AUTS2: variants seen among roughly 807,000 people sequenced by gnomAD.
AUTS2 encodes the protein autism susceptibility gene 2 protein.
AUTS2 carries 17 observed loss-of-function variants against 112.4 expected under a neutral mutation model. That is an observed-to-expected ratio of 0.15 (90% CI 0.10 to 0.23). The LOEUF (loss-of-function observed/expected upper bound fraction) is 0.23. AUTS2 is among the 10% of genes least tolerant of loss of function. The pLI is 1.00. For missense variants in AUTS2, 1,510 were observed against 1,701.6 expected, an observed-to-expected ratio of 0.89 and a Z score of 1.98; for synonymous variants, 751 against 702.7, an observed-to-expected ratio of 1.07 and a Z score of -1.09.
rs949687361 is a variant in AUTS2, at chr7:70,014,592, G to A, written c.523-103540G>A. 3.3e-5 allele frequency among the ~76,000 whole-genome samples: 5 copies of A among 152,160 alleles called. No homozygotes were observed. In the South Asian group the frequency reaches 8.3e-4, roughly 25 times the overall value. ...TATTCTTTTTTTGCTCTTGCTCTCT[G>A]TGATTTTTTGGTAGTTCTCTTTTAT... On this transcript the variant is annotated intron_variant, in intron 2 of 18. Transcript: ENST00000342771.
intron 1 of AUTS2, among the ~76,000 whole-genome samples, chr7:69,674,598 A>G (rs1796475148): frequency 8.1e-6 from 1 of 124,058 alleles, no homozygotes. Flanking sequence ...TATGGCTGTC[A>G]TGCCTGAGAG....
At chr7:69,917,834 G>GTTGTT in intron 2 of AUTS2, among the ~76,000 whole-genome samples, 1 of 151,808 alleles carries the variant, frequency 6.6e-6, no homozygotes, top group Middle Eastern at 3.4e-3. Flanking sequence ...TGTTGTTGTT[G>GTTGTT]TTGTTGTTGT....
intron 1 of AUTS2, among the ~76,000 whole-genome samples, chr7:69,692,290 T>C (rs1797381895): frequency 6.6e-6 from 1 of 152,220 alleles, no homozygotes; most frequent in South Asian, 2.1e-4. Flanking sequence ...TCGGTGGTCC[T>C]TTGAAATGAG....
In AUTS2 at chr7:70,222,193, T is replaced by C. The variant is rs1245975640; in HGVS notation, c.660+87622T>C. ...TAATTAAAATCTTTGCAGTAGATAT[T>C]TCCCATTTTGAAGAAGAGGAAACTA... On this transcript the variant is annotated intron_variant, in intron 4 of 18. Coordinates refer to ENST00000342771, the MANE Select transcript of AUTS2 (RefSeq NM_015570.4). Among the ~76,000 whole-genome samples the C allele has an allele frequency of 2.0e-5, 3 of 152,338 alleles. No homozygotes were observed. The South Asian group carries it at 6.2e-4, about 32-fold the overall frequency.
intron 2 of AUTS2, among the ~76,000 whole-genome samples, chr7:70,098,071 GA>G (rs979575187): frequency 2.6e-5 from 4 of 151,078 alleles, no homozygotes; most frequent in African/African-American, 9.7e-5. Flanking sequence ...CCCATTAAAA[GA>G]AAAAAAAATC....
intron 5 of AUTS2, among the ~76,000 whole-genome samples, chr7:70,648,253 C>T (rs1381232792): frequency 6.6e-6 from 1 of 152,146 alleles, no homozygotes; most frequent in African/African-American, 2.4e-5. Context: ...CCCTCCACCA[C>T]CAGACTACCA....
intron 4 of AUTS2, among the ~76,000 whole-genome samples, chr7:70,362,417 C>G (rs1382060613): frequency 6.6e-6 from 1 of 152,154 alleles, no homozygotes; most frequent in Non-Finnish European, 1.5e-5. Context: ...CATTGAGATT[C>G]TGCAGCAGAG....
At chr7:70,220,391 A>G (rs1331025727) in intron 4 of AUTS2, among the ~76,000 whole-genome samples, 1 of 152,186 alleles carries the variant, frequency 6.6e-6, no homozygotes, top group African/African-American at 2.4e-5. Context: ...CTTTAGTATC[A>G]GACGTGTGTT....
At chr7:70,367,356 A>T (rs924128010) in intron 4 of AUTS2, among the ~76,000 whole-genome samples, 1 of 152,078 alleles carries the variant, frequency 6.6e-6, no homozygotes, top group African/African-American at 2.4e-5. Flanking sequence ...GGAGATCGAG[A>T]CCATCCTAGT....
chr7:69,648,597 A>G (rs1471813077), intron 1 of AUTS2, among the ~76,000 whole-genome samples: 1 of 152,066 alleles, frequency 6.6e-6, no homozygotes, highest in Admixed American at 6.5e-5. Flanking sequence ...GTAGTAGAAC[A>G]GTCTTTGGCT....
intron 5 of AUTS2, among the ~76,000 whole-genome samples, chr7:70,460,297 C>G (rs1166430709): frequency 6.7e-6 from 1 of 150,196 alleles, no homozygotes; most frequent in Non-Finnish European, 1.5e-5. Context: ...AGGTCCCCAG[C>G]CCGAGAAGGA....
chr7:70,117,229 TA>T (rs1324266088), intron 2 of AUTS2, among the ~76,000 whole-genome samples: 1 of 151,506 alleles, frequency 6.6e-6, no homozygotes, highest in Non-Finnish European at 1.5e-5. Flanking sequence ...AGTGCTGATT[TA>T]ATTTACTTAA....
Position 70,074,958 on chromosome 7 carries a change from G to C in AUTS2, c.523-43174G>C, listed in dbSNP as rs568588403. Among the ~76,000 whole-genome samples the C allele has an allele frequency of 7.2e-5, 11 of 152,290 alleles. No individual in the cohort carries two copies. The East Asian group carries it at 1.7e-3, about 24-fold the overall frequency. The stretch of plus-strand genomic sequence containing the variant: ...TCCTCTTTTGAGCTCAGTATTTCAT[G>C]TACTTTAAGGTCATTACTGAGCTTT... On this transcript the variant is annotated intron_variant, in intron 2 of 18. Coordinates refer to ENST00000342771, the MANE Select transcript of AUTS2 (RefSeq NM_015570.4).
intron 1 of AUTS2, among the ~76,000 whole-genome samples, chr7:69,622,448 G>T (rs770975022): frequency 2.6e-5 from 4 of 152,178 alleles, no homozygotes; most frequent in East Asian, 1.9e-4. Flanking sequence ...TTTGTCTGGG[G>T]TTAGATACTG....
chr7:70,556,415 G>A (rs890343410), intron 5 of AUTS2, among the ~76,000 whole-genome samples: 7 of 152,154 alleles, frequency 4.6e-5, no homozygotes, highest in Non-Finnish European at 1.5e-5. Flanking sequence ...TGCCTATCTT[G>A]CAGTATTGTT....
Position 69,599,441 on chromosome 7 carries a change from G to A in AUTS2, c.-213G>A. On this transcript the variant is annotated 5_prime_UTR_variant, in exon 1 of 19. Transcript: ENST00000342771. The surrounding 1 kb of genome is among the most constrained non-coding windows in gnomAD (Gnocchi z 7.0). ...TCCTCGCCTCTCGCCCTCGCTCCCCGTCCCTCCTCCCCTCTCTCCGCCCCT... is the reference window on the plus strand; with the variant it reads ...TCCTCGCCTCTCGCCCTCGCTCCCCATCCCTCCTCCCCTCTCTCCGCCCCT... The A allele has an allele frequency of 2.4e-6, 1 of 410,664 alleles. No individual in the cohort carries two copies. Among genetic ancestry groups the A allele is most frequent in the Non-Finnish European group, 4.1e-6 (1 of 246,224 alleles). 25.4% of individuals were successfully genotyped at this position (410,664 alleles called of 1,614,324 possible). A position where few individuals can be genotyped will look rare whatever the true frequency, so the allele number is the denominator to read the frequency against.
chr7:70,304,469 G>A (rs1017510540), intron 4 of AUTS2, among the ~76,000 whole-genome samples: 3 of 152,106 alleles, frequency 2.0e-5, no homozygotes, highest in Non-Finnish European at 4.4e-5. Flanking sequence ...TGGCAGTGTC[G>A]GCATCAATAG....
chr7:70,775,164 G>A (rs1790606375), intron 12 of AUTS2, 193 bp from the exon 13 acceptor site: 2 of 599,096 alleles, frequency 3.3e-6, no homozygotes, highest in Admixed American at 3.1e-5. Context: ...ACCAAGGCTT[G>A]TGAAGTGGGG....
intron 5 of AUTS2, among the ~76,000 whole-genome samples, chr7:70,513,666 C>CTTTTTTTTTTTT (rs35815016): frequency 7.1e-6 from 1 of 140,428 alleles, no homozygotes; most frequent in Non-Finnish European, 1.6e-5. Flanking sequence ...TTTCTGTTTC[C>CTTTTTTTTTTTT]TTTTTTTTTT....
Sources: gnomAD v4.1 joint callset for allele counts (sites outside exome capture counted in the v4.1 genomes callset) on GRCh38, gnomAD v4.1.1 for gene constraint, Gnocchi (gnomAD v3.1) non-coding constraint, MANE v1.5 for transcripts, NCBI Gene and HGNC (gene_info 2026-07-23, HGNC 2026-07-21) for gene names.